Variants in CASD1 observed in about 807,000 individuals in gnomAD.
The protein encoded by CASD1 is N-acetylneuraminate (7)9-O-acetyltransferase.
In CASD1, 41 loss-of-function variants were observed where a neutral mutation model predicts 100.0. That is an observed-to-expected ratio of 0.41 (90% CI 0.32 to 0.53). The LOEUF (loss-of-function observed/expected upper bound fraction) is 0.53, where lower values mean the gene tolerates loss of function less well. Ranked by LOEUF, CASD1 falls within the 20% of genes least tolerant of loss-of-function variation. The pLI is 0.25. For missense variants in CASD1, 774 were observed against 948.7 expected, an observed-to-expected ratio of 0.82 and a Z score of 2.42; for synonymous variants, 321 against 315.6, an observed-to-expected ratio of 1.02 and a Z score of -0.18.
the CASD1 span, chr7:94,624,215 T>G: frequency 2.6e-6 from 1 of 391,144 alleles, no homozygotes; most frequent in East Asian, 3.6e-5. Flanking sequence ...ATCCCAGCAC[T>G]AACCTTCTGG....
chr7:94,614,107 C>CAAAAA, the CASD1 span, among the ~76,000 whole-genome samples: 25 of 94,874 alleles, frequency 2.6e-4, no homozygotes, highest in African/African-American at 6.3e-4. Context: ...AAATTGAAAT[C>CAAAAA]AAAAAAAAAA....
At chr7:94,561,637 CTAGAG>C (rs1355043682), downstream of CASD1, among the ~76,000 whole-genome samples, 1 of 151,972 alleles carries the variant, frequency 6.6e-6, no homozygotes, top group Non-Finnish European at 1.5e-5. Flanking sequence ...CGGTCAAACT[CTAGAG>C]TATTCTCTCA....
chr7:94,533,657 C>A, intron 6 of CASD1, 22 bp from the exon 7 acceptor site: 1 of 1,554,754 alleles, frequency 6.4e-7, no homozygotes, highest in Non-Finnish European at 8.7e-7. Flanking sequence ...TAAATTAATG[C>A]ATAATTTGTA....
At chr7:94,585,016 AAAC>A in the CASD1 span, 1 of 155,140 alleles carries the variant, frequency 6.4e-6, no homozygotes, top group African/African-American at 2.4e-5. Flanking sequence ...GTGGTATATA[AAAC>A]AACAGGATTT....
rs1178788414 is a variant in CASD1 at position 94,555,943 on chromosome 7, A to C, written c.*185A>C. The stretch of plus-strand genomic sequence containing the variant: ...ATTGGAAATGTACATATCCAATATG[A>C]AATACTAAAACAAACAAACAAACAA... On this transcript the variant is annotated 3_prime_UTR_variant, in exon 18 of 18. Coordinates refer to ENST00000297273, the MANE Select transcript of CASD1 (RefSeq NM_022900.5). 3.5e-6 allele frequency: 2 copies of C among 577,128 alleles called. No individual in the cohort carries two copies. The highest frequency in any genetic ancestry group is 5.9e-6 in the Non-Finnish European group (2 of 341,544). The allele number at this position is 577,128 out of a possible 1,614,324, so 35.8% of individuals were successfully genotyped here. A position where few individuals can be genotyped will look rare whatever the true frequency, so the allele number is the denominator to read the frequency against.
At chr7:94,532,248 A>G (rs1027226461) in intron 5 of CASD1, among the ~76,000 whole-genome samples, 1 of 152,192 alleles carries the variant, frequency 6.6e-6, no homozygotes, top group South Asian at 2.1e-4. Context: ...AGTTTAATAT[A>G]TAAATTAGGC....
At chr7:94,528,291 T>G (rs776135983) in intron 5 of CASD1, 41 bp downstream of exon 5, 2 of 1,357,140 alleles carry the variant, frequency 1.5e-6, no homozygotes, top group South Asian at 1.3e-5. Flanking sequence ...TTTTTTATTT[T>G]TATTCCCTTT....
At chr7:94,563,784 T>TAGGC in the CASD1 span, among the ~76,000 whole-genome samples, 7 of 151,816 alleles carry the variant, frequency 4.6e-5, no homozygotes. Flanking sequence ...AAGAGCCTAC[T>TAGGC]AGGCACTAGG....
intron 3 of CASD1, among the ~76,000 whole-genome samples, chr7:94,521,849 G>C (rs1794294963): frequency 1.3e-5 from 2 of 152,194 alleles, no homozygotes; most frequent in African/African-American, 4.8e-5. Context: ...ACTTTGGGAG[G>C]CCGAAGCGGG....
At chr7:94,522,649 A>T (rs931065809) in intron 3 of CASD1, among the ~76,000 whole-genome samples, 1 of 151,644 alleles carries the variant, frequency 6.6e-6, no homozygotes, top group Non-Finnish European at 1.5e-5. Context: ...GAACTTTTTA[A>T]TTATTTTTAT....
chr7:94,599,375 G>T, the CASD1 span: 1 of 318,832 alleles, frequency 3.1e-6, no homozygotes, highest in Non-Finnish European at 5.7e-6. Context: ...TGGAAAACTT[G>T]TATGAAAGGT....
the CASD1 span, among the ~76,000 whole-genome samples, chr7:94,567,529 G>C: frequency 2.6e-5 from 4 of 152,100 alleles, no homozygotes; most frequent in Non-Finnish European, 4.4e-5. Flanking sequence ...GAAAATACCA[G>C]TGCAGTAAGG....
At chr7:94,565,564 C>T in the CASD1 span, among the ~76,000 whole-genome samples, 1 of 152,150 alleles carries the variant, frequency 6.6e-6, no homozygotes, top group Non-Finnish European at 1.5e-5. Context: ...CTCCCAAAAC[C>T]TTCAAATGCC....
chr7:94,569,228 A>T, the CASD1 span, among the ~76,000 whole-genome samples: 1 of 152,206 alleles, frequency 6.6e-6, no homozygotes, highest in South Asian at 2.1e-4. Flanking sequence ...GGAAAAGGGT[A>T]TATAAATAAG....
intron 10 of CASD1, among the ~76,000 whole-genome samples, chr7:94,543,352 C>G (rs1050639960): frequency 6.6e-6 from 1 of 152,090 alleles, no homozygotes; most frequent in Non-Finnish European, 1.5e-5. Flanking sequence ...CCTCAAAGAT[C>G]ACTTTAAAAA....
chr7:94,612,435 T>C, the CASD1 span, among the ~76,000 whole-genome samples: 1 of 152,208 alleles, frequency 6.6e-6, no homozygotes. Context: ...TAATTTTGTA[T>C]CCTGCTTTTT....
At chr7:94,526,177 A>G (rs182188634) in intron 3 of CASD1, among the ~76,000 whole-genome samples, 42 of 152,352 alleles carry the variant, frequency 2.8e-4, no homozygotes, top group Non-Finnish European at 5.7e-4. Context: ...AAACTACTCT[A>G]ACGTCTTAAC....
chr7:94,527,100 G>T, intron 3 of CASD1, 62 bp from the exon 4 acceptor site: 1 of 1,238,310 alleles, frequency 8.1e-7, no homozygotes, highest in Non-Finnish European at 1.2e-6. Flanking sequence ...GCAGCTAAAT[G>T]GGGCATTTTT....
At position 94,509,868 on chromosome 7, in the gene CASD1, G is replaced by T. The variant is rs978740486; in HGVS notation, c.-217G>T. The T allele has an allele frequency of 1.9e-6, 2 of 1,026,708 alleles. No individual in the cohort carries two copies. Among genetic ancestry groups the T allele is most frequent in the Admixed American group, 5.7e-5 (1 of 17,512 alleles). 63.6% of individuals were successfully genotyped at this position (1,026,708 alleles called of 1,614,324 possible). On this transcript the variant is annotated 5_prime_UTR_variant, in exon 1 of 18. Coordinates refer to ENST00000297273, the MANE Select transcript of CASD1 (RefSeq NM_022900.5). ...CGGCGGAGCAGCGGCGGCGGGGCTGGGGGGAGGCCGCCGAGTCGGCCGCGG... is the reference window on the plus strand; with the variant it reads ...CGGCGGAGCAGCGGCGGCGGGGCTGTGGGGAGGCCGCCGAGTCGGCCGCGG...
Sources: allele counts gnomAD v4.1 joint callset (sites outside exome capture counted in the v4.1 genomes callset), GRCh38; gene constraint gnomAD v4.1.1; transcripts MANE v1.5; gene names NCBI Gene and HGNC (gene_info 2026-07-23, HGNC 2026-07-21).